Variants in WDR25 observed in about 807,000 individuals in gnomAD.
The protein encoded by WDR25 is WD repeat-containing protein 25.
Under a neutral mutation model 47.7 loss-of-function variants are expected in WDR25, and 35 were observed. The observed-to-expected ratio is 0.73, with a 90% CI of 0.56 to 0.97. The LOEUF (loss-of-function observed/expected upper bound fraction) is 0.97, where lower values mean the gene tolerates loss of function less well. WDR25 is among the 50% of genes least tolerant of loss of function. The pLI is 0.00. For synonymous variants in WDR25, 248 were observed against 278.9 expected (o/e 0.89, Z 1.10); for missense variants, 634 against 704.7 (o/e 0.90, Z 1.14).
chr14:100,515,267 C>T (rs923947816), intron 4 of WDR25, among the ~76,000 whole-genome samples: 2 of 152,126 alleles, frequency 1.3e-5, no homozygotes, highest in African/African-American at 4.8e-5. Context: ...AGTCTTTTAT[C>T]TGTGGGTTTA....
chr14:100,444,938 C>T (rs1898786065), intron 2 of WDR25, among the ~76,000 whole-genome samples: 1 of 152,160 alleles, frequency 6.6e-6, no homozygotes, highest in Non-Finnish European at 1.5e-5. Flanking sequence ...AAGATTAGCC[C>T]CGTTTTCTAG....
intron 2 of WDR25, among the ~76,000 whole-genome samples, chr14:100,413,912 T>C (rs977482219): frequency 7.9e-5 from 12 of 152,254 alleles, no homozygotes; most frequent in African/African-American, 2.7e-4. Flanking sequence ...AGTATTCCAT[T>C]GCATGAAAAT....
chr14:100,376,739 G>A (rs757773129), intron 1 of WDR25: 35 of 1,229,974 alleles, frequency 2.8e-5, no homozygotes, highest in Non-Finnish European at 3.4e-5. Flanking sequence ...TCGCTCTGGG[G>A]CCTCCGGGGG....
At chr14:100,466,693 C>G (rs1438238811) in intron 2 of WDR25, among the ~76,000 whole-genome samples, 1 of 152,228 alleles carries the variant, frequency 6.6e-6, no homozygotes, top group African/African-American at 2.4e-5. Flanking sequence ...GCAGCCGTAT[C>G]AGGTGGGAGG....
chr14:100,511,060 CA>C (rs907074491), intron 4 of WDR25, among the ~76,000 whole-genome samples: 25 of 149,270 alleles, frequency 1.7e-4, no homozygotes, highest in African/African-American at 4.9e-4. Context: ...CCAATTTATG[CA>C]AAAAAAAACT....
chr14:100,451,243 CTTT>C (rs11288233), intron 2 of WDR25, among the ~76,000 whole-genome samples: 27 of 134,628 alleles, frequency 2.0e-4, no homozygotes, highest in Non-Finnish European at 2.4e-4. Flanking sequence ...CCAAAGCATT[CTTT>C]TTTTTTTTTT....
chr14:100,487,331 A>G (rs1900418417), intron 4 of WDR25, among the ~76,000 whole-genome samples: 1 of 152,236 alleles, frequency 6.6e-6, no homozygotes, highest in South Asian at 2.1e-4. Flanking sequence ...AGATGTGAGG[A>G]CAGAGACCAG....
chr14:100,485,564 G>A (rs1345481624), intron 4 of WDR25, among the ~76,000 whole-genome samples: 1 of 152,216 alleles, frequency 6.6e-6, no homozygotes, highest in African/African-American at 2.4e-5. Context: ...TTCACACAGC[G>A]AGGTGGCCTG....
intron 4 of WDR25, among the ~76,000 whole-genome samples, chr14:100,508,368 C>A (rs1901187353): frequency 6.6e-6 from 1 of 152,120 alleles, no homozygotes; most frequent in Non-Finnish European, 1.5e-5. Flanking sequence ...TGGAATAAGA[C>A]AAGGGTGCCT....
rs938585156 is a variant in WDR25, at chr14:100,488,215, A to C, written c.1101+4091A>C. ...GACTTCATCTCCAGAGGTCGGCAGG[A>C]TGTGTTCTGCACAAGCCAGCTGTGC... On this transcript the variant is annotated intron_variant, in intron 4 of 6. Coordinates refer to ENST00000402312, the MANE Select transcript of WDR25 (RefSeq NM_001161476.3). The surrounding 1 kb of genome is among the most constrained non-coding windows in gnomAD (Gnocchi z 4.2). Among the ~76,000 whole-genome samples the C allele has an allele frequency of 6.6e-6, 1 of 152,064 alleles. No individual in the cohort carries two copies. The highest frequency in any genetic ancestry group is 6.6e-5 in the Admixed American group (1 of 15,266).
intron 4 of WDR25, among the ~76,000 whole-genome samples, chr14:100,492,675 A>C (rs781361103): frequency 4.6e-5 from 7 of 152,082 alleles, no homozygotes; most frequent in Non-Finnish European, 7.3e-5. Flanking sequence ...AGGTTTTTAA[A>C]AATTTATTTA....
At chr14:100,401,265 T>C (rs924451605) in intron 2 of WDR25, among the ~76,000 whole-genome samples, 2 of 152,166 alleles carry the variant, frequency 1.3e-5, no homozygotes, top group Non-Finnish European at 2.9e-5. Flanking sequence ...AGGCCCAGTT[T>C]CTGCTTCTGC....
chr14:100,510,489 A>C (rs1901270412), intron 4 of WDR25, among the ~76,000 whole-genome samples: 1 of 151,556 alleles, frequency 6.6e-6, no homozygotes, highest in African/African-American at 2.4e-5. Context: ...TAATCCCAGC[A>C]CTTTGGGAGG....
At chr14:100,487,116 G>T (rs1294744894) in intron 4 of WDR25, among the ~76,000 whole-genome samples, 1 of 152,262 alleles carries the variant, frequency 6.6e-6, no homozygotes, top group East Asian at 1.9e-4. Context: ...CCCTCGTAAG[G>T]TCGTCAGTCA....
intron 1 of WDR25, among the ~76,000 whole-genome samples, chr14:100,379,531 G>T (rs1896821643): frequency 6.6e-6 from 1 of 151,726 alleles, no homozygotes; most frequent in African/African-American, 2.4e-5. Flanking sequence ...GGGACTACAG[G>T]CGCCTGCCAC....
Position 100,458,306 on chromosome 14 carries a change from G to A in WDR25, c.823-9715G>A, listed in dbSNP as rs934490873. Among the ~76,000 whole-genome samples, 27 of 152,154 alleles carry A rather than the reference G, an allele frequency of 1.8e-4. 1 individual carries two copies. Among genetic ancestry groups the A allele is most frequent in the Admixed American group, 1.4e-3 (22 of 15,274 alleles). ...TAAAGAGACTCATAACAACAAGGGGGTCAGTTCATCAAAGGACATAACATT... is the reference window on the plus strand; with the variant it reads ...TAAAGAGACTCATAACAACAAGGGGATCAGTTCATCAAAGGACATAACATT... On this transcript the variant is annotated intron_variant, in intron 2 of 6. Transcript: ENST00000402312.
At chr14:100,413,780 A>G (rs191601155) in intron 2 of WDR25, among the ~76,000 whole-genome samples, 29 of 152,312 alleles carry the variant, frequency 1.9e-4, no homozygotes, top group African/African-American at 6.3e-4. Context: ...TTCCTGTTCT[A>G]GAATGAAATA....
In WDR25 at chr14:100,518,764, G is replaced by A. The variant is rs959610676; in HGVS notation, c.1102-7106G>A. On this transcript the variant is annotated intron_variant, in intron 4 of 6. Transcript: ENST00000402312. ...AAATTAGCCAGGCATTGCAACGTGT[G>A]CCTGTAGTCCCAGCTAGAGGACGGG... 3.9e-4 allele frequency among the ~76,000 whole-genome samples: 60 copies of A among 151,948 alleles called. 1 individual carries two copies. The highest frequency in any genetic ancestry group is 1.2e-3 in the African/African-American group (48 of 41,346).
At chr14:100,465,148 A>T (rs1291004438) in intron 2 of WDR25, among the ~76,000 whole-genome samples, 4 of 150,790 alleles carry the variant, frequency 2.7e-5, no homozygotes, top group African/African-American at 9.9e-5. Flanking sequence ...TATAAATGAG[A>T]TCTGCTTTTT....
Sources: allele counts gnomAD v4.1 joint callset (sites outside exome capture counted in the v4.1 genomes callset), GRCh38; gene constraint gnomAD v4.1.1; non-coding constraint Gnocchi (gnomAD v3.1); transcripts MANE v1.5; gene names NCBI Gene and HGNC (gene_info 2026-07-23, HGNC 2026-07-21).